C8orf34: variants seen among roughly 807,000 people sequenced by gnomAD.
C8orf34 encodes chromosome 8 open reading frame 34.
A neutral mutation model predicts 68.3 loss-of-function variants in C8orf34; 65 were observed. The ratio of observed to expected loss-of-function variants is 0.95; its 90% CI spans 0.78 to 1.17. C8orf34 has a LOEUF of 1.17. C8orf34 is among the 50% of genes most tolerant of loss of function. The probability of loss-of-function intolerance (pLI) is 0.00; values close to 1 mark genes in which losing one functional copy is unlikely to be tolerated. For synonymous variants in C8orf34, 244 were observed against 241.2 expected (o/e 1.01, Z -0.11); for missense variants, 664 against 655.4 (o/e 1.01, Z -0.14).
intron 1 of C8orf34, among the ~76,000 whole-genome samples, chr8:68,422,458 C>G (rs1308786543): frequency 6.6e-6 from 1 of 152,178 alleles, no homozygotes; most frequent in Non-Finnish European, 1.5e-5. Flanking sequence ...GACTCCATGT[C>G]TCACATCAAG....
intron 12 of C8orf34, among the ~76,000 whole-genome samples, chr8:68,793,558 G>A (rs74341919): frequency 1.3e-5 from 2 of 152,024 alleles, no homozygotes; most frequent in Admixed American, 1.3e-4. Flanking sequence ...GCAAACCAAC[G>A]CAAAGACAGA....
chr8:68,516,410 G>A (rs908237596), intron 5 of C8orf34, among the ~76,000 whole-genome samples: 2 of 152,124 alleles, frequency 1.3e-5, no homozygotes, highest in African/African-American at 4.8e-5. Flanking sequence ...TTAACAAGAG[G>A]AAATAGAGTC....
chr8:68,445,680 AT>A (rs1429071601), intron 2 of C8orf34, among the ~76,000 whole-genome samples: 1 of 152,186 alleles, frequency 6.6e-6, no homozygotes, highest in African/African-American at 2.4e-5. Flanking sequence ...AGTGAGTGAA[AT>A]TTACTGAAAT....
chr8:68,816,963 G>T (rs1381365986), intron 13 of C8orf34, among the ~76,000 whole-genome samples: 1 of 152,140 alleles, frequency 6.6e-6, no homozygotes, highest in African/African-American at 2.4e-5. Flanking sequence ...ACTATCACGT[G>T]GTTCTCTTCC....
chr8:68,392,535 G>C (rs890943092), intron 1 of C8orf34, among the ~76,000 whole-genome samples: 4 of 151,778 alleles, frequency 2.6e-5, no homozygotes, highest in Non-Finnish European at 4.4e-5. Context: ...AAAATGTTCT[G>C]CCTAGACTAT....
intron 1 of C8orf34, among the ~76,000 whole-genome samples, chr8:68,373,749 T>C (rs1807667067): frequency 6.6e-6 from 1 of 152,206 alleles, no homozygotes; most frequent in African/African-American, 2.4e-5. Context: ...CTTTGGAGTT[T>C]ATTATCAAAT....
intron 12 of C8orf34, among the ~76,000 whole-genome samples, chr8:68,803,295 G>A (rs1585907822): frequency 1.4e-5 from 2 of 140,964 alleles, no homozygotes; most frequent in East Asian, 5.1e-4. Context: ...TGTATAAAGG[G>A]TAATACATCC....
chr8:68,678,449 T>C (rs974658031), intron 8 of C8orf34, among the ~76,000 whole-genome samples: 1 of 152,182 alleles, frequency 6.6e-6, no homozygotes. Flanking sequence ...ATGAATCAGT[T>C]TGATACACCA....
At chr8:68,591,624 A>G (rs1817390286) in intron 7 of C8orf34, among the ~76,000 whole-genome samples, 1 of 152,216 alleles carries the variant, frequency 6.6e-6, no homozygotes, top group Non-Finnish European at 1.5e-5. Flanking sequence ...TGAGTTGACT[A>G]AAACTCTATC....
At chr8:68,672,419 A>C (rs944632899) in intron 8 of C8orf34, among the ~76,000 whole-genome samples, 12 of 152,240 alleles carry the variant, frequency 7.9e-5, no homozygotes, top group Non-Finnish European at 1.6e-4. Flanking sequence ...ATCCCTTGGC[A>C]GTAGCCATGT....
intron 4 of C8orf34, among the ~76,000 whole-genome samples, chr8:68,475,262 G>A (rs1481996524): frequency 6.6e-6 from 1 of 152,062 alleles, no homozygotes; most frequent in East Asian, 1.9e-4. Context: ...TCCTCTTCTG[G>A]GGTAGATTTG....
Position 68,488,059 on chromosome 8 carries a change from G to T in C8orf34, c.765+8G>T. On this transcript the variant is annotated splice_region_variant and intron_variant, in intron 5 of 13. Coordinates refer to ENST00000518698, the MANE Select transcript of C8orf34 (RefSeq NM_052958.4). ...TCAGATGAACTCGATAAGGTAAGTT[G>T]AACTATACATCTGGTGAAAAGAAAA... 1 of 1,576,976 alleles carries T rather than the reference G, an allele frequency of 6.3e-7. No individual in the cohort carries two copies. Among genetic ancestry groups the T allele is most frequent in the South Asian group, 1.2e-5 (1 of 85,540 alleles).
intron 7 of C8orf34, among the ~76,000 whole-genome samples, chr8:68,616,088 G>A (rs1269203954): frequency 3.3e-5 from 5 of 151,300 alleles, no homozygotes; most frequent in Non-Finnish European, 5.9e-5. Flanking sequence ...AGAGGTGTTT[G>A]TAGTATTCTC....
chr8:68,392,174 T>C (rs1808504381), intron 1 of C8orf34, among the ~76,000 whole-genome samples: 1 of 152,024 alleles, frequency 6.6e-6, no homozygotes, highest in Non-Finnish European at 1.5e-5. Context: ...TATATATTCT[T>C]TTTATAATTT....
At chr8:68,735,784 A>T (rs1266264335) in intron 10 of C8orf34, among the ~76,000 whole-genome samples, 1 of 152,196 alleles carries the variant, frequency 6.6e-6, no homozygotes, top group African/African-American at 2.4e-5. Flanking sequence ...CAATTCTATC[A>T]CTTATTCTTT....
intron 10 of C8orf34, among the ~76,000 whole-genome samples, chr8:68,743,916 C>T (rs1209205871): frequency 6.6e-6 from 1 of 152,206 alleles, no homozygotes; most frequent in Non-Finnish European, 1.5e-5. Flanking sequence ...TCTGTAGGCT[C>T]CACCTCTGGG....
rs895064172 is a variant in C8orf34 at position 68,727,458 on chromosome 8, C to T, written c.1404+6021C>T. On this transcript the variant is annotated intron_variant, in intron 10 of 13. Transcript: ENST00000518698. ...AAGCTGTCAGTGGATCTACCATGCT[C>T]GGATCTGGAGGACCGTGGCCCTCTT... 2.6e-5 allele frequency among the ~76,000 whole-genome samples: 4 copies of T among 152,264 alleles called. 1 individual carries two copies. The highest frequency in any genetic ancestry group is 4.2e-4 in the South Asian group (2 of 4,818).
intron 7 of C8orf34, among the ~76,000 whole-genome samples, chr8:68,588,193 A>G (rs949451692): frequency 1.3e-5 from 2 of 152,130 alleles, no homozygotes; most frequent in African/African-American, 2.4e-5. Flanking sequence ...TGTTAGCTCG[A>G]ACCTGTGTAT....
chr8:68,572,868 G>C (rs191533552), intron 7 of C8orf34, among the ~76,000 whole-genome samples: 5 of 152,162 alleles, frequency 3.3e-5, no homozygotes, highest in African/African-American at 4.8e-5. Context: ...GATAAGGCAT[G>C]GCTTATTTTT....
Sources: allele counts gnomAD v4.1 joint callset (sites outside exome capture counted in the v4.1 genomes callset), GRCh38; gene constraint gnomAD v4.1.1; transcripts MANE v1.5; gene names NCBI Gene and HGNC (gene_info 2026-07-23, HGNC 2026-07-21).